The following PADI6 variants were observed in gnomAD, a reference collection of about 807,000 sequenced individuals.
PADI6 encodes peptidyl arginine deiminase 6, also known as inactive protein-arginine deiminase type-6.
A neutral mutation model predicts 78.2 loss-of-function variants in PADI6; 66 were observed. That is an observed-to-expected ratio of 0.84 (90% CI 0.69 to 1.04). The LOEUF (loss-of-function observed/expected upper bound fraction) is 1.04, where lower values mean the gene tolerates loss of function less well. Ranked by LOEUF, PADI6 falls within the 50% of genes least tolerant of loss-of-function variation. The pLI is 0.00. For missense variants in PADI6, 854 were observed against 866.1 expected (o/e 0.99, Z 0.18); for synonymous variants, 397 against 346.9 (o/e 1.14, Z -1.60).
At chr1:17,388,643 G>C in intron 7 of PADI6, 84 bp downstream of exon 7, 4 of 1,467,924 alleles carry the variant, frequency 2.7e-6, no homozygotes, top group South Asian at 1.3e-5. Flanking sequence ...CAGAGCTTGA[G>C]GTTTGCTGGG....
At chr1:17,398,166 A>G (rs887872428) in intron 14 of PADI6, among the ~76,000 whole-genome samples, 2 of 152,180 alleles carry the variant, frequency 1.3e-5, no homozygotes, top group Non-Finnish European at 2.9e-5. Context: ...GAATGTTCCC[A>G]AGGAATGTTC....
chr1:17,391,920 T>C (rs927885338), intron 8 of PADI6, among the ~76,000 whole-genome samples, 194 bp from the exon 9 acceptor site: 6 of 152,192 alleles, frequency 3.9e-5, no homozygotes, highest in Non-Finnish European at 7.4e-5. Context: ...CAAAGCTGAG[T>C]AGTGTCAGAC....
At chr1:17,390,962 C>A (rs185904930) in intron 8 of PADI6, among the ~76,000 whole-genome samples, 7 of 152,184 alleles carry the variant, frequency 4.6e-5, no homozygotes, top group African/African-American at 1.7e-4. Flanking sequence ...CCCCAGTAAG[C>A]GTCAGACTGT....
chr1:17,378,601 T>A (rs1263808687), intron 3 of PADI6, among the ~76,000 whole-genome samples: 1 of 152,072 alleles, frequency 6.6e-6, no homozygotes, highest in East Asian at 1.9e-4. Flanking sequence ...TAAGTGTGTT[T>A]TTTTGTTTGT....
intron 3 of PADI6, among the ~76,000 whole-genome samples, chr1:17,378,184 C>T (rs767939429): frequency 3.3e-5 from 5 of 152,170 alleles, no homozygotes; most frequent in Non-Finnish European, 7.3e-5. Flanking sequence ...GAAATACCCT[C>T]GCTCCATTCC....
At chr1:17,377,511 C>T (rs1004270205) in intron 3 of PADI6, among the ~76,000 whole-genome samples, 2 of 152,156 alleles carry the variant, frequency 1.3e-5, no homozygotes, top group African/African-American at 4.8e-5. Flanking sequence ...ATATTGCCTA[C>T]CCAGCATGAT....
Position 17,394,850 on chromosome 1 carries a change from G to C in PADI6, c.1338-101G>C, listed in dbSNP as rs745844062. 4 of 1,371,750 alleles carry C rather than the reference G, an allele frequency of 2.9e-6. No individual in the cohort carries two copies. The African/African-American group carries it at 5.8e-5, about 20-fold the overall frequency. 85.0% of individuals were successfully genotyped at this position (1,371,750 alleles called of 1,614,324 possible). A position where few individuals can be genotyped will look rare whatever the true frequency, so the allele number is the denominator to read the frequency against. ...TATGGACCGGCCTCTTTCACACAAC[G>C]GTCAGAGGCCAGCTCCCTGGAGGCA... On this transcript the variant is annotated intron_variant, in intron 11 of 15. Coordinates refer to ENST00000619609, the MANE Select transcript of PADI6 (RefSeq NM_207421.4).
chr1:17,385,205 G>A (rs540766294), intron 6 of PADI6, among the ~76,000 whole-genome samples: 2 of 152,320 alleles, frequency 1.3e-5, no homozygotes, highest in East Asian at 3.9e-4. Flanking sequence ...TTTGAGTAGT[G>A]TTGGTGGCTT....
chr1:17,375,975 C>CTTTTT (rs575076756), intron 3 of PADI6, among the ~76,000 whole-genome samples: 110 of 150,310 alleles, frequency 7.3e-4, no homozygotes, highest in African/African-American at 2.6e-3. Context: ...ATAACATCTA[C>CTTTTT]TTTTTTTTTC....
rs1197851895 is a variant in PADI6 at position 17,372,399 on chromosome 1, ACAGG to A, written c.116+48_116+51del. 5 of 1,584,784 alleles carry A rather than the reference ACAGG, an allele frequency of 3.2e-6. No homozygotes were observed. In the African/African-American group the frequency reaches 4.0e-5, roughly 13 times the overall value. On this transcript the variant is annotated intron_variant, in intron 1 of 15. Transcript: ENST00000619609. Reference sequence around the variant, plus strand: ...GAGCTCTGCCAGAGGTGGCAGGCAGACAGGCAGGCAGGCCTGGGACCCAGTCCCC... The same window carrying A: ...GAGCTCTGCCAGAGGTGGCAGGCAGACAGGCAGGCCTGGGACCCAGTCCCC...
rs538604274 is a variant in PADI6, at chr1:17,388,809, G to C, written c.891G>C (p.Thr297=). ...SIPETVLYKD[T]VVFRVAPCVF... ...CAGAGACTGTGCTGTACAAAGACAC[G>C]GTGGTGTTCCGGGTGGCTCCCTGTG... Residue 297 remains threonine (T), a synonymous_variant, in exon 8 of 16, where the codon ACG becomes ACC. Coordinates refer to ENST00000619609, the MANE Select transcript of PADI6 (RefSeq NM_207421.4). The C allele has an allele frequency of 3.7e-6, 6 of 1,613,768 alleles. No individual in the cohort carries two copies. Among genetic ancestry groups the C allele is most frequent in the East Asian group, 2.2e-5 (1 of 44,880 alleles).
At position 17,381,082 on chromosome 1, in the gene PADI6, CA is replaced by C; in HGVS notation, c.472del (p.Ile158SerfsTer4). The stretch of plus-strand genomic sequence containing the variant: ...TCTGGGGTCCCAGCGGTTGGGGTGC[CA>C]TCCTGCTTGTGAATTGCAACCCTGC... ...WIWGPSGWGA[I>X]LLVNCNPADV... On this transcript the variant is annotated frameshift_variant, in exon 5 of 16. Coordinates refer to ENST00000619609, the MANE Select transcript of PADI6 (RefSeq NM_207421.4). LOFTEE classifies it high-confidence loss of function. The C allele has an allele frequency of 6.2e-7, 1 of 1,608,362 alleles. No individual in the cohort carries two copies.
Position 17,401,687 on chromosome 1 carries a change from T to C in PADI6, c.*249T>C. On this transcript the variant is annotated 3_prime_UTR_variant, in exon 16 of 16. Transcript: ENST00000619609. The stretch of plus-strand genomic sequence containing the variant: ...TACTAAATAGCCAATAAAGGGCTGG[T>C]GGGTGTGAATGCATCTTGGCAGTGA... The C allele has an allele frequency of 4.1e-6, 2 of 491,750 alleles. No individual in the cohort carries two copies. Among genetic ancestry groups the C allele is most frequent in the Non-Finnish European group, 7.4e-6 (2 of 272,098 alleles). The allele number at this position is 491,750 out of a possible 1,614,324, so 30.5% of individuals were successfully genotyped here.
intron 8 of PADI6, among the ~76,000 whole-genome samples, chr1:17,390,779 CAT>C (rs2075174135): frequency 6.6e-6 from 1 of 152,126 alleles, no homozygotes; most frequent in Non-Finnish European, 1.5e-5. Flanking sequence ...ATACAAAAGA[CAT>C]AAAGCAGAGA....
At chr1:17,380,036 T>A (rs1332031426) in intron 4 of PADI6, 49 bp downstream of exon 4, 2 of 1,577,514 alleles carry the variant, frequency 1.3e-6, no homozygotes, top group African/African-American at 2.7e-5. Flanking sequence ...ATAAGCCAAA[T>A]CTGCCCACAG....
intron 6 of PADI6, among the ~76,000 whole-genome samples, chr1:17,382,918 G>A (rs925928518): frequency 6.6e-6 from 1 of 152,194 alleles, no homozygotes; most frequent in African/African-American, 2.4e-5. Flanking sequence ...ACACTCCCAA[G>A]GAGCTGGTAT....
Position 17,397,144 on chromosome 1 carries a change from A to AG in PADI6, c.1689+5dup, listed in dbSNP as rs75932871. On this transcript the variant is annotated splice_donor_region_variant and intron_variant, in intron 14 of 15. Coordinates refer to ENST00000619609, the MANE Select transcript of PADI6 (RefSeq NM_207421.4). ...AGAAGCAGAATGAATACGTGGAGGT[A>AG]GGACCAGTGTGAAGGGGGCCATCCC... 12 of 1,613,720 alleles carry AG rather than the reference A, an allele frequency of 7.4e-6. No individual in the cohort carries two copies. The East Asian group carries it at 2.5e-4, about 33-fold the overall frequency.
At chr1:17,390,550 GC>G (rs1229926769) in intron 8 of PADI6, among the ~76,000 whole-genome samples, 5 of 150,612 alleles carry the variant, frequency 3.3e-5, no homozygotes, top group Admixed American at 6.7e-5. Flanking sequence ...GTTGCAGTGA[GC>G]CAAGATTGCA....
At chr1:17,376,665 T>G (rs1403332158) in intron 3 of PADI6, among the ~76,000 whole-genome samples, 1 of 152,022 alleles carries the variant, frequency 6.6e-6, no homozygotes, top group African/African-American at 2.4e-5. Flanking sequence ...CCCAGAGTGT[T>G]GGGATTACAG....
Sources: allele counts gnomAD v4.1 joint callset (sites outside exome capture counted in the v4.1 genomes callset), GRCh38; gene constraint gnomAD v4.1.1; transcripts MANE v1.5; gene names NCBI Gene and HGNC (gene_info 2026-07-23, HGNC 2026-07-21).